Variants in CDH13 observed in about 807,000 individuals in gnomAD.
CDH13 encodes the protein cadherin 13, also known as cadherin-13.
A neutral mutation model predicts 63.8 loss-of-function variants in CDH13; 24 were observed. That is an observed-to-expected ratio of 0.38 (90% CI 0.27 to 0.53). The LOEUF is 0.53. Among genes scored for constraint, CDH13 ranks in the 20% least tolerant of loss-of-function variants. The pLI is 0.85. For missense variants in CDH13, 1,049 were observed against 903.1 expected (o/e 1.16, Z -2.07); for synonymous variants, 503 against 355.3 (o/e 1.42, Z -4.67).
intron 13 of CDH13, among the ~76,000 whole-genome samples, chr16:83,791,030 G>T (rs467288): frequency 0.81 from 122,889 of 151,966 alleles, 49,709 homozygotes; most frequent in Admixed American, 0.84. Context: ...TTTAAAGAGG[G>T]GAGTGGGCAG....
intron 3 of CDH13, among the ~76,000 whole-genome samples, chr16:83,054,122 T>A (rs1018748870): frequency 7.2e-5 from 11 of 152,206 alleles, no homozygotes; most frequent in African/African-American, 1.7e-4. Context: ...TTCCTAGGTG[T>A]GTAGTAAGCT....
At position 83,678,346 on chromosome 16, in the gene CDH13, C is replaced by T. The variant is rs1915136052; in HGVS notation, c.1423C>T (p.Pro475Ser). Residue 475 changes from proline (P) to serine (S), a missense_variant, in exon 10 of 14, where the codon CCA (proline) becomes TCA (serine). Coordinates refer to ENST00000567109, the MANE Select transcript of CDH13 (RefSeq NM_001257.5). ...CACTGTCCTGGATGTCAACGAGGGC[C>T]CAGTCTTCTACCCAGACCCCATGAT... ...HITVLDVNEG[P>S]VFYPDPMMVT... 6.2e-7 allele frequency: 1 copy of T among 1,613,846 alleles called. No homozygotes were observed. Among genetic ancestry groups the T allele is most frequent in the Admixed American group, 1.7e-5 (1 of 59,982 alleles).
At chr16:83,750,272 G>T (rs1253158415) in intron 11 of CDH13, among the ~76,000 whole-genome samples, 1 of 152,066 alleles carries the variant, frequency 6.6e-6, no homozygotes, top group African/African-American at 2.4e-5. Context: ...CTCCAGCCGG[G>T]GTGACAGAGT....
chr16:82,976,873 G>C (rs1292215642), intron 2 of CDH13, among the ~76,000 whole-genome samples: 1 of 152,192 alleles, frequency 6.6e-6, no homozygotes, highest in African/African-American at 2.4e-5. Context: ...CATTTGGTGA[G>C]TTGCGGGAAG....
At chr16:83,425,050 C>T (rs1326424226) in intron 6 of CDH13, among the ~76,000 whole-genome samples, 1 of 152,184 alleles carries the variant, frequency 6.6e-6, no homozygotes, top group Non-Finnish European at 1.5e-5. Flanking sequence ...GTGGTTCTGG[C>T]ATGCTATCAC....
At chr16:83,335,377 G>A (rs1479304675) in intron 5 of CDH13, among the ~76,000 whole-genome samples, 1 of 123,742 alleles carries the variant, frequency 8.1e-6, no homozygotes, top group Non-Finnish European at 1.7e-5. Flanking sequence ...TGCATTTCAA[G>A]GTTTTGTGTG....
At chr16:82,946,588 G>T (rs922841715) in intron 2 of CDH13, among the ~76,000 whole-genome samples, 1 of 152,060 alleles carries the variant, frequency 6.6e-6, no homozygotes, top group African/African-American at 2.4e-5. Flanking sequence ...TGGCGTGGTG[G>T]CCTGTGCCTG....
At chr16:83,268,975 G>T (rs2088710107) in intron 5 of CDH13, among the ~76,000 whole-genome samples, 1 of 152,150 alleles carries the variant, frequency 6.6e-6, no homozygotes, top group Admixed American at 6.5e-5. Context: ...AAGCATGAAG[G>T]TGCTTTTATT....
intron 10 of CDH13, chr16:83,739,874 A>T (rs997753289): frequency 4.6e-5 from 7 of 152,130 alleles, no homozygotes; most frequent in African/African-American, 1.7e-4. Context: ...CTATGTATGA[A>T]GGGTTAAGTA....
At chr16:82,834,569 G>GCCCACAGCCCACAT (rs891225527) in intron 1 of CDH13, among the ~76,000 whole-genome samples, 1 of 152,284 alleles carries the variant, frequency 6.6e-6, no homozygotes, top group African/African-American at 2.4e-5. Flanking sequence ...ACAGCCCACA[G>GCCCACAGCCCACAT]CCCACAGCCA....
chr16:82,663,751 C>T (rs1224397561), intron 1 of CDH13, among the ~76,000 whole-genome samples: 1 of 152,170 alleles, frequency 6.6e-6, no homozygotes, highest in Non-Finnish European at 1.5e-5. Context: ...CTAGGTCCAG[C>T]CAAAGAGCCC....
chr16:83,768,139 A>G (rs1914523220), intron 11 of CDH13, among the ~76,000 whole-genome samples: 1 of 152,184 alleles, frequency 6.6e-6, no homozygotes, highest in African/African-American at 2.4e-5. Context: ...ACATTTTTAT[A>G]TATGTCTTTC....
At chr16:83,587,043 G>A (rs964693877) in intron 7 of CDH13, among the ~76,000 whole-genome samples, 26 of 152,234 alleles carry the variant, frequency 1.7e-4, no homozygotes, top group African/African-American at 4.8e-4. Context: ...GGCTCCTTTC[G>A]TTTCTAAAGC....
intron 6 of CDH13, among the ~76,000 whole-genome samples, chr16:83,392,163 C>G (rs1026285424): frequency 2.6e-5 from 4 of 152,264 alleles, no homozygotes; most frequent in African/African-American, 9.6e-5. Flanking sequence ...ACTTCGGTAG[C>G]CTGAATTCCC....
intron 2 of CDH13, among the ~76,000 whole-genome samples, chr16:82,948,347 AT>A (rs1403517728): frequency 2.0e-5 from 3 of 152,190 alleles, no homozygotes; most frequent in Non-Finnish European, 4.4e-5. Context: ...GTCTAAAAAT[AT>A]TAGGGGAAGA....
At chr16:82,807,365 A>G (rs1216419153) in intron 1 of CDH13, among the ~76,000 whole-genome samples, 1 of 152,184 alleles carries the variant, frequency 6.6e-6, no homozygotes, top group Non-Finnish European at 1.5e-5. Context: ...AAGAAATGAG[A>G]TATTTCTCTT....
At chr16:82,818,660 TG>T (rs113975864) in intron 1 of CDH13, among the ~76,000 whole-genome samples, 156 of 152,268 alleles carry the variant, frequency 1.0e-3, no homozygotes, top group African/African-American at 3.6e-3. Flanking sequence ...ACTGTACCTT[TG>T]GCTTCATAGC....
At chr16:83,207,048 A>C (rs2039203294) in intron 4 of CDH13, among the ~76,000 whole-genome samples, 1 of 152,242 alleles carries the variant, frequency 6.6e-6, no homozygotes, top group African/African-American at 2.4e-5. Context: ...TAATCAGTTA[A>C]TACTAGAAAA....
At chr16:83,079,314 G>A (rs191561611) in intron 3 of CDH13, among the ~76,000 whole-genome samples, 3 of 152,152 alleles carry the variant, frequency 2.0e-5, no homozygotes, top group African/African-American at 7.2e-5. Context: ...TGCCTTCTAT[G>A]GATGGTTATT....
Sources: gnomAD v4.1 joint callset for allele counts (sites outside exome capture counted in the v4.1 genomes callset) on GRCh38, gnomAD v4.1.1 for gene constraint, MANE v1.5 for transcripts, NCBI Gene and HGNC (gene_info 2026-07-23, HGNC 2026-07-21) for gene names.